Variants in CSMD1 observed in about 807,000 individuals in gnomAD.
CSMD1 encodes the protein CUB and sushi domain-containing protein 1.
Under a neutral mutation model 417.5 loss-of-function variants are expected in CSMD1, and 213 were observed. The ratio of observed to expected loss-of-function variants is 0.51; its 90% CI spans 0.46 to 0.57. CSMD1 has a LOEUF of 0.57. Among genes scored for constraint, CSMD1 ranks in the 20% least tolerant of loss-of-function variants. The pLI, the probability that CSMD1 is intolerant of heterozygous loss-of-function variation, is 0.00. For synonymous variants in CSMD1, 2,862 were observed against 1,736.8 expected (o/e 1.65, Z -16.11); for missense variants, 6,923 against 4,529.7 (o/e 1.53, Z -15.17).
chr8:3,216,248 T>C (rs1335797018), intron 29 of CSMD1, among the ~76,000 whole-genome samples: 1 of 152,050 alleles, frequency 6.6e-6, no homozygotes, highest in East Asian at 1.9e-4. Context: ...ATATAGAATA[T>C]AGAACATTAT....
chr8:4,730,740 C>CA (rs543324236), intron 1 of CSMD1, among the ~76,000 whole-genome samples: 73 of 142,590 alleles, frequency 5.1e-4, no homozygotes, highest in Admixed American at 3.2e-3. Context: ...GACTCCATTT[C>CA]AAAAAAACAA....
At chr8:3,995,311 A>C (rs1815118060) in intron 5 of CSMD1, among the ~76,000 whole-genome samples, 1 of 152,224 alleles carries the variant, frequency 6.6e-6, no homozygotes, top group Non-Finnish European at 1.5e-5. Context: ...ACTTAAACGT[A>C]GTCCTTGTGG....
chr8:4,077,022 T>A (rs1799855462), intron 3 of CSMD1, among the ~76,000 whole-genome samples: 1 of 152,088 alleles, frequency 6.6e-6, no homozygotes, highest in Non-Finnish European at 1.5e-5. Context: ...AAATTGCAAC[T>A]CTAGGTAATT....
At chr8:4,086,148 T>C (rs1013108791) in intron 3 of CSMD1, among the ~76,000 whole-genome samples, 6 of 151,550 alleles carry the variant, frequency 4.0e-5, no homozygotes, top group African/African-American at 7.3e-5. Flanking sequence ...TAAGTTGCAA[T>C]TTTTTTCAAA....
At chr8:3,000,261 A>G in intron 52 of CSMD1, 130 bp from the exon 53 acceptor site, 1 of 442,440 alleles carries the variant, frequency 2.3e-6, no homozygotes, top group Non-Finnish European at 3.9e-6. Flanking sequence ...ATCATTACAT[A>G]TATATGTATA....
chr8:4,351,635 G>C (rs1274094124), intron 3 of CSMD1, among the ~76,000 whole-genome samples: 1 of 152,166 alleles, frequency 6.6e-6, no homozygotes. Flanking sequence ...AAGGAGATGA[G>C]GGAGGTTTAT....
chr8:4,686,818 A>T (rs774738163), intron 1 of CSMD1, among the ~76,000 whole-genome samples: 14 of 152,228 alleles, frequency 9.2e-5, no homozygotes, highest in Middle Eastern at 3.2e-3. Flanking sequence ...GAACCATGAA[A>T]GCCTCAAGAT....
intron 1 of CSMD1, among the ~76,000 whole-genome samples, chr8:4,953,258 T>C (rs534864378): frequency 6.6e-6 from 1 of 152,296 alleles, no homozygotes; most frequent in Middle Eastern, 3.4e-3. Context: ...CTTTTGAACA[T>C]ATATTTCTAA....
intron 3 of CSMD1, among the ~76,000 whole-genome samples, chr8:4,174,405 G>C (rs900608861): frequency 6.6e-6 from 1 of 151,882 alleles, no homozygotes; most frequent in Admixed American, 6.6e-5. Context: ...TAAATTAAGA[G>C]AAATTGCACT....
In CSMD1 at chr8:2,938,374, C is replaced by A. The variant is rs114163126; in HGVS notation, c.*211G>T. 1.6e-3 allele frequency: 754 copies of A among 484,914 alleles called. 4 individuals carry two copies. Among genetic ancestry groups the A allele is most frequent in the African/African-American group, 0.013 (663 of 50,772 alleles). The allele number at this position is 484,914 out of a possible 1,614,324, so 30.0% of individuals were successfully genotyped here. A position where few individuals can be genotyped will look rare whatever the true frequency, so the allele number is the denominator to read the frequency against. ...GATGCAGCCAGGCATTTAGAACCCACTTTTGGAATGAAAACGCATGTGTAG... is the reference window on the plus strand; with the variant it reads ...GATGCAGCCAGGCATTTAGAACCCAATTTTGGAATGAAAACGCATGTGTAG... On this transcript the variant is annotated 3_prime_UTR_variant, in exon 70 of 70. Coordinates refer to ENST00000635120, the MANE Select transcript of CSMD1 (RefSeq NM_033225.6).
intron 5 of CSMD1, among the ~76,000 whole-genome samples, chr8:3,987,205 C>A (rs1814398988): frequency 6.6e-6 from 1 of 152,162 alleles, no homozygotes; most frequent in South Asian, 2.1e-4. Flanking sequence ...CACACCGTGC[C>A]CACAACAGCA....
chr8:3,963,784 A>C (rs1328810081), intron 5 of CSMD1, among the ~76,000 whole-genome samples: 2 of 152,232 alleles, frequency 1.3e-5, no homozygotes, highest in Non-Finnish European at 2.9e-5. Context: ...TAGCAACCTA[A>C]GTCAGACAGA....
intron 3 of CSMD1, among the ~76,000 whole-genome samples, chr8:4,147,534 G>A (rs571560749): frequency 2.0e-5 from 3 of 152,196 alleles, no homozygotes; most frequent in African/African-American, 7.2e-5. Context: ...TCCTCCTTAG[G>A]CATTTTAATT....
chr8:4,642,180 G>T (rs1035472321), intron 1 of CSMD1, among the ~76,000 whole-genome samples: 1 of 152,162 alleles, frequency 6.6e-6, no homozygotes, highest in Non-Finnish European at 1.5e-5. Context: ...TACTTGTTCG[G>T]GGCCCCGGTG....
intron 5 of CSMD1, among the ~76,000 whole-genome samples, chr8:3,984,542 C>G (rs1814160018): frequency 6.6e-6 from 1 of 151,154 alleles, no homozygotes; most frequent in Non-Finnish European, 1.5e-5. Context: ...GATTTTTCGT[C>G]TAGGTATATT....
At chr8:4,826,376 G>T (rs891539523) in intron 1 of CSMD1, among the ~76,000 whole-genome samples, 6 of 152,026 alleles carry the variant, frequency 3.9e-5, no homozygotes, top group East Asian at 1.9e-4. Context: ...TTTAAAAGAC[G>T]CAATCCTGCA....
chr8:3,270,911 CT>C (rs111740366), intron 26 of CSMD1, among the ~76,000 whole-genome samples: 105,340 of 150,506 alleles, frequency 0.7, 36,761 homozygotes, highest in Admixed American at 0.74. Flanking sequence ...ATCTTTTTTT[CT>C]TTTTTTTTTT....
intron 5 of CSMD1, among the ~76,000 whole-genome samples, chr8:3,761,817 T>G (rs1365757307): frequency 6.6e-6 from 1 of 152,136 alleles, no homozygotes; most frequent in African/African-American, 2.4e-5. Context: ...AAATTACCAC[T>G]TTCTACAAGT....
intron 1 of CSMD1, among the ~76,000 whole-genome samples, chr8:4,915,636 C>A (rs563997292): frequency 5.9e-5 from 9 of 152,326 alleles, no homozygotes; most frequent in Admixed American, 5.9e-4. Context: ...CAGTTCCCAA[C>A]CTTCACACCC....
Sources: allele counts gnomAD v4.1 joint callset (sites outside exome capture counted in the v4.1 genomes callset), GRCh38; gene constraint gnomAD v4.1.1; transcripts MANE v1.5; gene names NCBI Gene and HGNC (gene_info 2026-07-23, HGNC 2026-07-21).